ZFP14: variants seen among roughly 807,000 people sequenced by gnomAD.
ZFP14 encodes zinc finger protein 14 homolog.
A neutral mutation model predicts 54.5 loss-of-function variants in ZFP14; 22 were observed. That is an observed-to-expected ratio of 0.40 (90% CI 0.29 to 0.58). The LOEUF is 0.58. ZFP14 is among the 20% of genes least tolerant of loss of function. The pLI, the probability that ZFP14 is intolerant of heterozygous loss-of-function variation, is 0.39. For synonymous variants in ZFP14, 159 were observed against 204.0 expected, an observed-to-expected ratio of 0.78 and a Z score of 1.88; for missense variants, 470 against 637.8, an observed-to-expected ratio of 0.74 and a Z score of 2.83.
At chr19:36,374,865 G>A (rs554592996) in intron 1 of ZFP14, among the ~76,000 whole-genome samples, 3 of 152,012 alleles carry the variant, frequency 2.0e-5, no homozygotes, top group Admixed American at 6.6e-5. Context: ...AGACTTTCCC[G>A]GCTCAAGTTC....
At chr19:36,350,743 G>A (rs2031510345) in intron 4 of ZFP14, among the ~76,000 whole-genome samples, 1 of 142,124 alleles carries the variant, frequency 7.0e-6, no homozygotes, top group Non-Finnish European at 1.6e-5. Flanking sequence ...GCACACCACA[G>A]TAATCTGTTA....
chr19:36,345,876 G>A (rs765452691), intron 4 of ZFP14, among the ~76,000 whole-genome samples: 28 of 152,152 alleles, frequency 1.8e-4, no homozygotes, highest in Non-Finnish European at 2.8e-4. Context: ...GAAAATATAT[G>A]AGTATCCCAC....
intron 2 of ZFP14, among the ~76,000 whole-genome samples, chr19:36,365,081 T>C (rs1270928506): frequency 7.8e-6 from 1 of 128,350 alleles, no homozygotes; most frequent in South Asian, 2.8e-4. Context: ...AGTGATGTGA[T>C]CACAGCTCAC....
Position 36,341,119 on chromosome 19 carries a change from G to A in ZFP14, c.707C>T (p.Ala236Val). 1 of 1,614,016 alleles carries A rather than the reference G, an allele frequency of 6.2e-7. No individual in the cohort carries two copies. Among genetic ancestry groups the A allele is most frequent in the Non-Finnish European group, 8.5e-7 (1 of 1,179,968 alleles). Reference protein sequence around the residue: ...KPYECKECGKAFTVLQELTQH... With the variant: ...KPYECKECGKVFTVLQELTQH... ...AGTAAGTTCTTGGAGCACTGTAAAG[G>A]CCTTCCCACACTCCTTACATTCATA... Residue 236 changes from alanine (A) to valine (V), a missense_variant, in exon 5 of 5, where the codon GCC (alanine) becomes GTC (valine). Physicochemically the swap from Ala to Val is moderately conservative, Grantham distance 64. Transcript: ENST00000270001. This position sits in a 1 kb window ranked among gnomAD's most constrained non-coding sequence, Gnocchi z 4.2.
intron 1 of ZFP14, among the ~76,000 whole-genome samples, chr19:36,375,994 G>C (rs1297871352): frequency 1.3e-5 from 2 of 151,404 alleles, no homozygotes; most frequent in African/African-American, 4.9e-5. Flanking sequence ...CGCCCGGCCA[G>C]ATTTTTTTTT....
chr19:36,339,428 G>A lies in ZFP14; in HGVS notation c.*796C>T, dbSNP rs1042496580. 1.3e-5 allele frequency: 2 copies of A among 152,160 alleles called. No homozygotes were observed. Among genetic ancestry groups the A allele is most frequent in the South Asian group, 2.1e-4 (1 of 4,828 alleles). 9.4% of individuals were successfully genotyped at this position (152,160 alleles called of 1,614,324 possible). A position where few individuals can be genotyped will look rare whatever the true frequency, so the allele number is the denominator to read the frequency against. On this transcript the variant is annotated 3_prime_UTR_variant, in exon 5 of 5. Coordinates refer to ENST00000270001, the MANE Select transcript of ZFP14 (RefSeq NM_020917.3). ...GTATCATCCCGTTCTCTTGAGTGTG[G>A]ACTATCCTAGTAACTTACTTCTACC...
chr19:36,375,316 A>G (rs1020236373), intron 1 of ZFP14, among the ~76,000 whole-genome samples: 2 of 152,164 alleles, frequency 1.3e-5, no homozygotes, highest in Non-Finnish European at 2.9e-5. Context: ...AAAACTTGAC[A>G]GTGTGTGCCA....
At chr19:36,352,632 C>CA (rs1219697749) in intron 4 of ZFP14, among the ~76,000 whole-genome samples, 4 of 142,154 alleles carry the variant, frequency 2.8e-5, no homozygotes, top group Non-Finnish European at 4.7e-5. Flanking sequence ...ACTGTCTCTA[C>CA]AAAAAATGCT....
intron 4 of ZFP14, among the ~76,000 whole-genome samples, chr19:36,352,424 A>C (rs2031542708): frequency 7.0e-6 from 1 of 143,460 alleles, no homozygotes; most frequent in African/African-American, 2.6e-5. Flanking sequence ...CAAACAGAAA[A>C]ACACTGGGAA....
chr19:36,360,001 C>T (rs2031684064), intron 4 of ZFP14: 2 of 152,238 alleles, frequency 1.3e-5, no homozygotes, highest in African/African-American at 4.8e-5. Context: ...GAAAATCCCT[C>T]TTTCATTCCT....
intron 1 of ZFP14, among the ~76,000 whole-genome samples, chr19:36,377,074 G>C (rs62112632): frequency 0.15 from 23,034 of 151,944 alleles, 2,179 homozygotes; most frequent in Admixed American, 0.2. Flanking sequence ...CCCTTCCCTT[G>C]TTAACACAGA....
chr19:36,349,686 T>TATAG (rs2031491641), intron 4 of ZFP14, among the ~76,000 whole-genome samples: 1 of 144,624 alleles, frequency 6.9e-6, no homozygotes, highest in Non-Finnish European at 1.5e-5. Context: ...AAAAAATATA[T>TATAG]ATATATATAA....
chr19:36,358,312 T>C (rs1445623875), intron 4 of ZFP14, among the ~76,000 whole-genome samples: 1 of 152,048 alleles, frequency 6.6e-6, no homozygotes, highest in Admixed American at 6.6e-5. Flanking sequence ...GGTTTCACCA[T>C]GTTGGCCAGG....
chr19:36,363,507 C>A (rs2031744919), intron 2 of ZFP14, among the ~76,000 whole-genome samples: 1 of 151,792 alleles, frequency 6.6e-6, no homozygotes, highest in African/African-American at 2.4e-5. Context: ...CTGTATCAAT[C>A]ATTTTCAATG....
intron 4 of ZFP14, among the ~76,000 whole-genome samples, chr19:36,342,548 T>A (rs2031339938): frequency 7.8e-6 from 1 of 128,982 alleles, no homozygotes; most frequent in Admixed American, 8.2e-5. Context: ...TCTAAAGGGA[T>A]AAACCAAAAG....
At chr19:36,374,933 G>C (rs1875215109) in intron 1 of ZFP14, among the ~76,000 whole-genome samples, 1 of 151,728 alleles carries the variant, frequency 6.6e-6, no homozygotes, top group African/African-American at 2.4e-5. Flanking sequence ...AACAGATGCT[G>C]TTTTTTCTGA....
intron 3 of ZFP14, among the ~76,000 whole-genome samples, chr19:36,361,569 C>G (rs2031711361): frequency 6.6e-6 from 1 of 152,040 alleles, no homozygotes; most frequent in African/African-American, 2.4e-5. Flanking sequence ...GAGTCTCACT[C>G]TGTCGCCCAG....
At chr19:36,356,617 C>T (rs2031618909) in intron 4 of ZFP14, among the ~76,000 whole-genome samples, 1 of 152,060 alleles carries the variant, frequency 6.6e-6, no homozygotes, top group Non-Finnish European at 1.5e-5. Context: ...CCTCATGTTA[C>T]CCCTTTCTAA....
At chr19:36,373,466 G>A (rs1204611346) in intron 1 of ZFP14, among the ~76,000 whole-genome samples, 3 of 151,938 alleles carry the variant, frequency 2.0e-5, no homozygotes, top group African/African-American at 7.3e-5. Context: ...AAGTTCAAGA[G>A]ATCTATTATA....
Sources: gnomAD v4.1 joint callset for allele counts (sites outside exome capture counted in the v4.1 genomes callset) on GRCh38, gnomAD v4.1.1 for gene constraint, Gnocchi (gnomAD v3.1) non-coding constraint, MANE v1.5 for transcripts, NCBI Gene and HGNC (gene_info 2026-07-23, HGNC 2026-07-21) for gene names.